The following ABCB1 variants were observed in gnomAD, a reference collection of about 807,000 sequenced individuals.
ABCB1 encodes ATP-dependent translocase ABCB1.
ABCB1 carries 69 observed loss-of-function variants against 142.0 expected under a neutral mutation model. That is an observed-to-expected ratio of 0.49 (90% CI 0.40 to 0.59). ABCB1 has a LOEUF of 0.59. Among genes scored for constraint, ABCB1 ranks in the 20% least tolerant of loss-of-function variants. The pLI is 0.00. For missense variants in ABCB1, 1,326 were observed against 1,554.7 expected (o/e 0.85, Z 2.47); for synonymous variants, 532 against 539.2 (o/e 0.99, Z 0.18).
intron 1 of ABCB1, among the ~76,000 whole-genome samples, chr7:87,644,449 A>G (rs998491130): frequency 1.3e-5 from 2 of 152,236 alleles, no homozygotes; most frequent in South Asian, 2.1e-4. Flanking sequence ...TTGGTTTGAA[A>G]TAGTGGAGAG....
intron 1 of ABCB1, among the ~76,000 whole-genome samples, chr7:87,665,462 T>A (rs1449268281): frequency 6.6e-6 from 1 of 152,122 alleles, no homozygotes; most frequent in East Asian, 1.9e-4. Context: ...GAAATATATC[T>A]CATGCTCATG....
chr7:87,621,816 T>C (rs1820233246), intron 1 of ABCB1, among the ~76,000 whole-genome samples: 1 of 152,126 alleles, frequency 6.6e-6, no homozygotes, highest in Non-Finnish European at 1.5e-5. Flanking sequence ...TAATGTTAGC[T>C]GTTTCTATGG....
chr7:87,539,281 G>C lies in ABCB1; in HGVS notation c.2384C>G (p.Ser795Cys), dbSNP rs201418528. ...CGATAGACATACCTGTCTGAGCATG[G>C]ATCGGAAAACCATGTATCGGAGCCG... is the stretch of plus-strand genomic sequence containing the variant. ...TKRLRYMVFR[S>C]MLRQDVSWFD... Residue 795 changes from serine to cysteine, a missense_variant, in exon 19 of 28, where the codon TCC becomes TGC. Transcript: ENST00000622132. The C allele has an allele frequency of 1.2e-5, 20 of 1,614,104 alleles. No individual in the cohort carries two copies. The East Asian group carries it at 4.2e-4, about 34-fold the overall frequency.
At chr7:87,614,328 T>C (rs1819958342) in intron 1 of ABCB1, among the ~76,000 whole-genome samples, 1 of 151,858 alleles carries the variant, frequency 6.6e-6, no homozygotes, top group South Asian at 2.1e-4. Flanking sequence ...GCCCAGAAAT[T>C]TGAGGTTACA....
chr7:87,650,947 C>G (rs746397167), intron 1 of ABCB1: 1 of 1,434,722 alleles, frequency 7.0e-7, no homozygotes, highest in South Asian at 1.2e-5. Flanking sequence ...GGTAAAAGCA[C>G]TAATGTACTA....
intron 1 of ABCB1, among the ~76,000 whole-genome samples, chr7:87,669,016 A>G (rs536884984): frequency 7.9e-5 from 12 of 151,962 alleles, no homozygotes; most frequent in African/African-American, 2.9e-4. Flanking sequence ...TTGAGTGTAG[A>G]TCCTGAATAT....
Position 87,515,280 on chromosome 7 carries a change from G to A in ABCB1, c.3233C>T (p.Thr1078Ile). ...LVGSSGCGKS[T>I]VVQLLERFYD... ...GAACCGCTCCAGGAGCTGGACCACT[G>A]TGCTCTTCCCACAGCCACTGCTGCC... The change falls in exon 25 of 28, where the codon ACA becomes ATA. Residue 1078 changes from threonine to isoleucine, a missense_variant. Coordinates refer to ENST00000622132, the MANE Select transcript of ABCB1 (RefSeq NM_001348946.2). 2 of 1,614,168 alleles carry A rather than the reference G, an allele frequency of 1.2e-6. No individual in the cohort carries two copies. Among genetic ancestry groups the A allele is most frequent in the Non-Finnish European group, 1.7e-6 (2 of 1,180,026 alleles).
chr7:87,526,716 A>G (rs777691539), intron 21 of ABCB1, among the ~76,000 whole-genome samples: 7 of 152,166 alleles, frequency 4.6e-5, no homozygotes, highest in Non-Finnish European at 7.3e-5. Context: ...TCTGACTTCA[A>G]GAACAAAGAA....
intron 25 of ABCB1, among the ~76,000 whole-genome samples, chr7:87,511,404 T>C (rs1017443694): frequency 6.6e-6 from 1 of 152,246 alleles, no homozygotes; most frequent in African/African-American, 2.4e-5. Flanking sequence ...TGGCTATCTC[T>C]ATTGTAGACT....
At chr7:87,529,791 G>A (rs996573331) in intron 21 of ABCB1, among the ~76,000 whole-genome samples, 1 of 152,120 alleles carries the variant, frequency 6.6e-6, no homozygotes, top group Admixed American at 6.5e-5. Context: ...CAACACCATG[G>A]GGGAGACCCC....
intron 1 of ABCB1, among the ~76,000 whole-genome samples, chr7:87,706,633 A>C (rs1829615162): frequency 6.6e-6 from 1 of 152,222 alleles, no homozygotes; most frequent in Non-Finnish European, 1.5e-5. Context: ...CCGCACATCC[A>C]TCTTTGCTTT....
At chr7:87,599,397 C>T (rs1331380865) in intron 2 of ABCB1, among the ~76,000 whole-genome samples, 8 of 152,178 alleles carry the variant, frequency 5.3e-5, no homozygotes, top group Non-Finnish European at 1.0e-4. Context: ...GTCTCATCAG[C>T]CAGGCCACAA....
At chr7:87,660,484 A>G (rs1464730552) in intron 1 of ABCB1, among the ~76,000 whole-genome samples, 1 of 152,116 alleles carries the variant, frequency 6.6e-6, no homozygotes, top group African/African-American at 2.4e-5. Flanking sequence ...AAAGAGATAT[A>G]AAGTCTAAAA....
chr7:87,618,295 C>A (rs908588869), intron 1 of ABCB1, among the ~76,000 whole-genome samples: 1 of 152,138 alleles, frequency 6.6e-6, no homozygotes, highest in Non-Finnish European at 1.5e-5. Context: ...AAATCTTAAG[C>A]TCTATGAGAG....
At chr7:87,704,307 G>C (rs749469028) in intron 1 of ABCB1, among the ~76,000 whole-genome samples, 4 of 152,068 alleles carry the variant, frequency 2.6e-5, no homozygotes, top group Non-Finnish European at 5.9e-5. Context: ...TTAAAGATTA[G>C]CTGTAATTTG....
chr7:87,700,400 A>T (rs970017501), intron 1 of ABCB1: 3 of 1,561,274 alleles, frequency 1.9e-6, no homozygotes, highest in African/African-American at 2.8e-5. Flanking sequence ...AAAATTTTAT[A>T]TCGCAATTTG....
At chr7:87,629,419 T>A (rs1820975861) in intron 1 of ABCB1, 4 of 152,924 alleles carry the variant, frequency 2.6e-5, no homozygotes, top group Admixed American at 2.6e-4. Context: ...GTTGAGTGCC[T>A]ACTACATGCC....
In ABCB1 at chr7:87,595,798, CCTT is replaced by C. The variant is rs1819178586; in HGVS notation, c.82_84del (p.Lys28del). ...AATACACTGACAGTTGGTTTCTTTT[CCTT>C]CTTATCTTTTTCACTGCAAAACAGC... On this transcript the variant is annotated inframe_deletion, in exon 3 of 28. Coordinates refer to ENST00000622132, the MANE Select transcript of ABCB1 (RefSeq NM_001348946.2). 6.2e-7 allele frequency: 1 copy of C among 1,610,714 alleles called. No homozygotes were observed. The highest frequency in any genetic ancestry group is 1.3e-5 in the African/African-American group (1 of 74,776).
chr7:87,522,233 T>TAC, intron 21 of ABCB1: 2 of 1,146,090 alleles, frequency 1.7e-6, no homozygotes. Flanking sequence ...GGAGGTGGTG[T>TAC]AATGATTTTG....
Sources: allele counts gnomAD v4.1 joint callset (sites outside exome capture counted in the v4.1 genomes callset), GRCh38; gene constraint gnomAD v4.1.1; transcripts MANE v1.5; gene names NCBI Gene and HGNC (gene_info 2026-07-23, HGNC 2026-07-21).